Variants in NOL4 observed in about 807,000 individuals in gnomAD.
The protein encoded by NOL4 is nucleolar protein 4.
A neutral mutation model predicts 75.9 loss-of-function variants in NOL4; 17 were observed. The observed-to-expected ratio is 0.22, with a 90% CI of 0.15 to 0.34. The LOEUF is 0.34. NOL4 is among the 10% of genes least tolerant of loss of function. NOL4 has a pLI of 1.00. For missense variants in NOL4, 614 were observed against 793.5 expected, an observed-to-expected ratio of 0.77 and a Z score of 2.72; for synonymous variants, 292 against 289.9, an observed-to-expected ratio of 1.01 and a Z score of -0.07.
At chr18:34,173,700 G>GACCACA (rs1568419506) in intron 1 of NOL4, among the ~76,000 whole-genome samples, 23 of 152,158 alleles carry the variant, frequency 1.5e-4, no homozygotes, top group South Asian at 1.0e-3. Context: ...CCTGCTGTGG[G>GACCACA]GCTCCACATA....
intron 5 of NOL4, among the ~76,000 whole-genome samples, chr18:34,089,101 T>C (rs2078383268): frequency 6.6e-6 from 1 of 152,108 alleles, no homozygotes; most frequent in South Asian, 2.1e-4. Flanking sequence ...AAATTTTCTA[T>C]AACCATAGTG....
intron 1 of NOL4, among the ~76,000 whole-genome samples, chr18:34,159,210 G>C (rs2146153361): frequency 6.6e-6 from 1 of 152,292 alleles, no homozygotes; most frequent in South Asian, 2.1e-4. Context: ...CCCCCGACCT[G>C]CAGGCGCGCT....
intron 6 of NOL4, among the ~76,000 whole-genome samples, chr18:33,962,516 T>C (rs557854814): frequency 3.2e-4 from 48 of 152,320 alleles, no homozygotes; most frequent in African/African-American, 1.1e-3. Flanking sequence ...ATAACATATG[T>C]GTAGCATGCT....
chr18:34,078,261 A>G (rs2077836627), intron 5 of NOL4, among the ~76,000 whole-genome samples: 1 of 152,190 alleles, frequency 6.6e-6, no homozygotes, highest in African/African-American at 2.4e-5. Flanking sequence ...CATTGGTCAC[A>G]TCACAGAAAT....
At chr18:33,961,849 A>G (rs1468193841) in intron 6 of NOL4, among the ~76,000 whole-genome samples, 1 of 152,152 alleles carries the variant, frequency 6.6e-6, no homozygotes, top group East Asian at 1.9e-4. Context: ...TTGCCAAAGT[A>G]GAAGGAGAAA....
At chr18:34,085,128 T>C (rs959389866) in intron 5 of NOL4, among the ~76,000 whole-genome samples, 1 of 152,222 alleles carries the variant, frequency 6.6e-6, no homozygotes, top group Non-Finnish European at 1.5e-5. Context: ...TATAAATCAA[T>C]AGGTTCAAAA....
chr18:33,995,947 ATGT>A (rs761494132), intron 6 of NOL4, among the ~76,000 whole-genome samples: 3 of 151,944 alleles, frequency 2.0e-5, no homozygotes. Context: ...CTGGAGTATA[ATGT>A]TGTTTAAGTC....
intron 9 of NOL4, among the ~76,000 whole-genome samples, chr18:33,936,329 C>T (rs1483503980): frequency 6.7e-6 from 1 of 149,956 alleles, no homozygotes; most frequent in Non-Finnish European, 1.5e-5. Context: ...AGGGAAAAAA[C>T]AGTTGCAAGG....
chr18:34,141,902 C>A (rs548769257), intron 1 of NOL4, among the ~76,000 whole-genome samples: 3 of 152,206 alleles, frequency 2.0e-5, no homozygotes, highest in Admixed American at 1.3e-4. Context: ...AGGCAACCTA[C>A]AGAATGGGAA....
intron 3 of NOL4, 102 bp from the exon 4 acceptor site, chr18:34,104,261 C>G (rs533835401): frequency 2.2e-4 from 164 of 740,944 alleles, no homozygotes; most frequent in Middle Eastern, 2.0e-3. Flanking sequence ...TTTTAGATAT[C>G]AAGTGTCTTA....
At chr18:33,894,878 C>A (rs2065305972) in intron 9 of NOL4, among the ~76,000 whole-genome samples, 1 of 152,134 alleles carries the variant, frequency 6.6e-6, no homozygotes, top group African/African-American at 2.4e-5. Flanking sequence ...AAGTTTCAGA[C>A]AGACACGAAG....
intron 1 of NOL4, chr18:34,221,996 T>C: frequency 1.3e-6 from 2 of 1,525,388 alleles, no homozygotes; most frequent in Non-Finnish European, 1.8e-6. Flanking sequence ...GCCTCCCCCA[T>C]CCCTACTCCA....
At chr18:33,877,787 G>A (rs990357999) in intron 10 of NOL4, among the ~76,000 whole-genome samples, 1 of 151,722 alleles carries the variant, frequency 6.6e-6, no homozygotes, top group Non-Finnish European at 1.5e-5. Context: ...GGGCACCACT[G>A]AAAAATATAA....
intron 2 of NOL4, among the ~76,000 whole-genome samples, chr18:34,113,789 A>G (rs1171377973): frequency 2.0e-5 from 3 of 152,214 alleles, no homozygotes; most frequent in Non-Finnish European, 4.4e-5. Context: ...CAGAGACAGC[A>G]TTGAAAGCCT....
intron 1 of NOL4, among the ~76,000 whole-genome samples, chr18:34,217,294 A>T (rs994731701): frequency 1.8e-4 from 27 of 150,812 alleles, no homozygotes; most frequent in Non-Finnish European, 2.8e-4. Flanking sequence ...TTATTTATTT[A>T]TTTTTTTTGA....
At chr18:34,182,749 A>T (rs900105076) in intron 1 of NOL4, among the ~76,000 whole-genome samples, 13 of 151,680 alleles carry the variant, frequency 8.6e-5, no homozygotes, top group African/African-American at 1.2e-4. Flanking sequence ...TTTCATTTTT[A>T]AAAAATAATT....
chr18:33,962,902 T>C (rs1301792709), intron 6 of NOL4, among the ~76,000 whole-genome samples: 2 of 152,182 alleles, frequency 1.3e-5, no homozygotes, highest in African/African-American at 4.8e-5. Context: ...TTACTCAAGT[T>C]TTAAAGAACG....
At chr18:33,971,040 AG>A (rs2071014350) in intron 6 of NOL4, among the ~76,000 whole-genome samples, 1 of 152,156 alleles carries the variant, frequency 6.6e-6, no homozygotes, top group South Asian at 2.1e-4. Flanking sequence ...CATTTTGACT[AG>A]GTGTCGGTGA....
chr18:34,205,147 C>T (rs971224766), intron 1 of NOL4, among the ~76,000 whole-genome samples: 3 of 152,092 alleles, frequency 2.0e-5, no homozygotes, highest in Non-Finnish European at 2.9e-5. Context: ...TTTACAGAAT[C>T]CTAAGCTTTC....
Sources: allele counts gnomAD v4.1 joint callset (sites outside exome capture counted in the v4.1 genomes callset), GRCh38; gene constraint gnomAD v4.1.1; transcripts MANE v1.5; gene names NCBI Gene and HGNC (gene_info 2026-07-23, HGNC 2026-07-21).